KIF13B: variants seen among roughly 807,000 people sequenced by gnomAD.
KIF13B encodes the protein kinesin family member 13B, also known as kinesin-like protein KIF13B.
KIF13B carries 127 observed loss-of-function variants against 222.0 expected under a neutral mutation model. That is an observed-to-expected ratio of 0.57 (90% CI 0.50 to 0.66). The LOEUF is 0.66. KIF13B is among the 30% of genes least tolerant of loss of function. KIF13B has a pLI of 0.00. For synonymous variants in KIF13B, 976 were observed against 919.0 expected (o/e 1.06, Z -1.12); for missense variants, 2,173 against 2,379.0 (o/e 0.91, Z 1.80).
At chr8:29,133,362 G>A (rs1810428028) in intron 22 of KIF13B, among the ~76,000 whole-genome samples, 1 of 152,210 alleles carries the variant, frequency 6.6e-6, no homozygotes, top group South Asian at 2.1e-4. Flanking sequence ...GCTGAGGTGG[G>A]CTGATCATTT....
chr8:29,228,339 C>T (rs757358690), intron 2 of KIF13B, among the ~76,000 whole-genome samples: 1 of 151,176 alleles, frequency 6.6e-6, no homozygotes, highest in South Asian at 2.1e-4. Flanking sequence ...TGGTGGCGGG[C>T]GCCTGTAATC....
intron 2 of KIF13B, among the ~76,000 whole-genome samples, chr8:29,227,820 G>A (rs1815091610): frequency 6.6e-6 from 1 of 152,052 alleles, no homozygotes; most frequent in Non-Finnish European, 1.5e-5. Flanking sequence ...GCATGGTGGT[G>A]CACGCCTGTA....
chr8:29,222,348 C>A (rs764762771), intron 2 of KIF13B, among the ~76,000 whole-genome samples: 4 of 151,966 alleles, frequency 2.6e-5, no homozygotes, highest in Non-Finnish European at 5.9e-5. Context: ...GACAGCAAGA[C>A]CCCGTCTCAA....
intron 14 of KIF13B, among the ~76,000 whole-genome samples, chr8:29,153,490 A>T (rs1811387894): frequency 1.0e-5 from 1 of 95,740 alleles, no homozygotes; most frequent in Admixed American, 1.1e-4. Flanking sequence ...CTAAGGGAAG[A>T]ATTTGGAAGG....
chr8:29,076,717 G>A (rs566579810), intron 37 of KIF13B, among the ~76,000 whole-genome samples: 1 of 152,346 alleles, frequency 6.6e-6, no homozygotes, highest in South Asian at 2.1e-4. Context: ...GTATAAGAGG[G>A]AATTGATTCC....
In KIF13B at chr8:29,075,824, G is replaced by A. The variant is rs151108022; in HGVS notation, c.4459-481C>T. Among the ~76,000 whole-genome samples, 506 of 152,310 alleles carry A rather than the reference G, an allele frequency of 3.3e-3. 5 individuals carry two copies. The highest frequency in any genetic ancestry group is 0.011 in the African/African-American group (472 of 41,556). On this transcript the variant is annotated intron_variant, in intron 37 of 39. Coordinates refer to ENST00000524189, the MANE Select transcript of KIF13B (RefSeq NM_015254.4). Reference sequence around the variant, plus strand: ...GATGGCAGGCACAGGTCTGCAGAAGGCCCTGGGCATCGGAAACTAACCCTA... The same window carrying A: ...GATGGCAGGCACAGGTCTGCAGAAGACCCTGGGCATCGGAAACTAACCCTA...
At chr8:29,212,041 C>A (rs1212748472) in intron 2 of KIF13B, among the ~76,000 whole-genome samples, 1 of 152,014 alleles carries the variant, frequency 6.6e-6, no homozygotes, top group African/African-American at 2.4e-5. Context: ...TACTTTATTC[C>A]TTTTTTATTG....
intron 37 of KIF13B, among the ~76,000 whole-genome samples, chr8:29,080,604 GC>G (rs1361014027): frequency 6.6e-5 from 10 of 152,198 alleles, no homozygotes; most frequent in African/African-American, 2.2e-4. Context: ...AACGGCACCA[GC>G]ACTTTTGTCC....
chr8:29,107,811 T>A (rs575642879), intron 35 of KIF13B, among the ~76,000 whole-genome samples: 1 of 152,050 alleles, frequency 6.6e-6, no homozygotes, highest in African/African-American at 2.4e-5. Context: ...CCGCCCTCCT[T>A]GGCCTCCCAA....
At chr8:29,207,458 G>C (rs1418481557) in intron 2 of KIF13B, among the ~76,000 whole-genome samples, 1 of 151,970 alleles carries the variant, frequency 6.6e-6, no homozygotes, top group African/African-American at 2.4e-5. Flanking sequence ...TTTCTTTCCG[G>C]GTGCCTGACA....
intron 2 of KIF13B, among the ~76,000 whole-genome samples, chr8:29,231,263 C>T (rs1376971419): frequency 6.6e-6 from 1 of 152,182 alleles, no homozygotes; most frequent in South Asian, 2.1e-4. Flanking sequence ...GGCTACCATA[C>T]GGGTTCGGCC....
chr8:29,260,866 C>T (rs1816656040), intron 1 of KIF13B, among the ~76,000 whole-genome samples: 1 of 152,174 alleles, frequency 6.6e-6, no homozygotes, highest in Non-Finnish European at 1.5e-5. Context: ...GATCCACCCG[C>T]CTCGGCCTCC....
chr8:29,196,143 T>G, intron 3 of KIF13B, 44 bp downstream of exon 3: 1 of 1,507,382 alleles, frequency 6.6e-7, no homozygotes, highest in Non-Finnish European at 9.0e-7. Flanking sequence ...ACAACATGCA[T>G]ATAAGATCTT....
chr8:29,187,705 T>C (rs1586900214), intron 5 of KIF13B, among the ~76,000 whole-genome samples: 1 of 152,364 alleles, frequency 6.6e-6, no homozygotes, highest in African/African-American at 2.4e-5. Context: ...TTTGCAAATA[T>C]GCTTTTAACC....
chr8:29,115,994 G>A (rs1003657131), intron 31 of KIF13B, among the ~76,000 whole-genome samples: 2 of 152,158 alleles, frequency 1.3e-5, no homozygotes, highest in Non-Finnish European at 2.9e-5. Flanking sequence ...CCTGCACCAC[G>A]TGCTCAGCTC....
intron 35 of KIF13B, among the ~76,000 whole-genome samples, chr8:29,107,525 T>C (rs189515523): frequency 4.0e-5 from 6 of 148,274 alleles, no homozygotes; most frequent in Non-Finnish European, 3.0e-5. Context: ...CGAAACATCA[T>C]CACACACACA....
intron 38 of KIF13B, among the ~76,000 whole-genome samples, chr8:29,073,458 C>A (rs1008293685): frequency 2.0e-5 from 3 of 152,316 alleles, no homozygotes; most frequent in South Asian, 4.1e-4. Flanking sequence ...GGCATTCTTT[C>A]ATCTATAACT....
At chr8:29,166,078 T>C (rs937057228) in intron 11 of KIF13B, among the ~76,000 whole-genome samples, 20 of 152,358 alleles carry the variant, frequency 1.3e-4, no homozygotes, top group African/African-American at 2.2e-4. Context: ...AAAATCCTAA[T>C]AGGTTATACA....
intron 32 of KIF13B, among the ~76,000 whole-genome samples, chr8:29,110,951 C>A (rs1350140706): frequency 6.6e-6 from 1 of 152,120 alleles, no homozygotes; most frequent in Non-Finnish European, 1.5e-5. Flanking sequence ...ATATTTTAAA[C>A]AAGATTGAGG....
Sources: allele counts gnomAD v4.1 joint callset (sites outside exome capture counted in the v4.1 genomes callset), GRCh38; gene constraint gnomAD v4.1.1; transcripts MANE v1.5; gene names NCBI Gene and HGNC (gene_info 2026-07-23, HGNC 2026-07-21).